The following RNF103 variants were observed in gnomAD, a reference collection of about 807,000 sequenced individuals.
RNF103 encodes the protein E3 ubiquitin-protein ligase RNF103.
Under a neutral mutation model 66.2 loss-of-function variants are expected in RNF103, and 23 were observed. That is an observed-to-expected ratio of 0.35 (90% CI 0.25 to 0.49). RNF103 has a LOEUF of 0.49. Among genes scored for constraint, RNF103 ranks in the 20% least tolerant of loss-of-function variants. The pLI is 0.98. For missense variants in RNF103, 730 were observed against 814.7 expected (o/e 0.90, Z 1.27); for synonymous variants, 297 against 289.9 (o/e 1.02, Z -0.25).
intron 2 of RNF103, 30 bp downstream of exon 2, chr2:86,620,300 G>A (rs772354700): frequency 1.7e-5 from 26 of 1,559,936 alleles, no homozygotes; most frequent in East Asian, 9.0e-5. Flanking sequence ...TAGGGCTCTC[G>A]AATTATCAAA....
Position 86,622,915 on chromosome 2 carries a change from G to A in RNF103, c.-29C>T. On this transcript the variant is annotated 5_prime_UTR_variant, in exon 1 of 4. Transcript: ENST00000237455. The stretch of plus-strand genomic sequence containing the variant: ...CCCTGGAGTTTCCTCTCTTTCCAGA[G>A]AGCTCGGAATACGGGAGAGAGAAGG... The A allele has an allele frequency of 1.3e-6, 2 of 1,562,266 alleles. No individual in the cohort carries two copies. Among genetic ancestry groups the A allele is most frequent in the Non-Finnish European group, 1.7e-6 (2 of 1,153,224 alleles).
intron 2 of RNF103, chr2:86,616,824 T>C (rs1197191900): frequency 1.0e-6 from 1 of 985,286 alleles, no homozygotes; most frequent in Non-Finnish European, 1.2e-6. Flanking sequence ...GAAACAGAAA[T>C]GTTAGGAGGA....
chr2:86,615,655 G>A (rs936865222), intron 2 of RNF103, among the ~76,000 whole-genome samples: 7 of 151,904 alleles, frequency 4.6e-5, no homozygotes, highest in African/African-American at 1.5e-4. Flanking sequence ...CTCATTAAAA[G>A]GGGAGACATT....
At position 86,604,402 on chromosome 2, in the gene RNF103, A is replaced by C; in HGVS notation, c.1499T>G (p.Leu500Arg). ...LERLAFPDLWLHPLIPTDYIK... is the reference protein window; with the variant it reads ...LERLAFPDLWRHPLIPTDYIK... ...ATAATCAGTTGGTATCAGAGGGTGA[A>C]GCCAAAGGTCAGGGAAAGCTAAGCG... Residue 500 changes from leucine (L) to arginine (R), a missense_variant, in exon 4 of 4, where the codon CTT becomes CGT. Leu to Arg is a moderately radical substitution (Grantham distance 102). This residue lies in a region of RNF103 where 355 missense variants were observed against 351.9 expected (regional missense o/e 1.01). Coordinates refer to ENST00000237455, the MANE Select transcript of RNF103 (RefSeq NM_005667.4). 6.2e-7 allele frequency: 1 copy of C among 1,614,252 alleles called. No homozygotes were observed. The highest frequency in any genetic ancestry group is 8.5e-7 in the Non-Finnish European group (1 of 1,180,042).
In RNF103 at chr2:86,603,931, T is replaced by C; in HGVS notation, c.1970A>G (p.His657Arg). The C allele has an allele frequency of 6.2e-7, 1 of 1,614,158 alleles. No individual in the cohort carries two copies. Among genetic ancestry groups the C allele is most frequent in the Non-Finnish European group, 8.5e-7 (1 of 1,180,036 alleles). Residue 657 changes from histidine (H) to arginine (R), a missense_variant, in exon 4 of 4, where the codon CAT (histidine) becomes CGT (arginine). By Grantham distance (29) the His-to-Arg change is conservative. Around this residue, in one of 3 missense-constraint regions of RNF103, gnomAD observed 355 missense variants for 351.9 expected, o/e 1.01. Transcript: ENST00000237455. The stretch of plus-strand genomic sequence containing the variant: ...AGGCCACCGGCAAACAGGGCAACAA[T>C]GTCGGCCCCCAGCCAACCACATCAC... ...CIVMWLAGGR[H>R]CCPVCRWPSY...
chr2:86,606,910 C>G (rs1460021152), intron 3 of RNF103, among the ~76,000 whole-genome samples: 1 of 151,938 alleles, frequency 6.6e-6, no homozygotes, highest in African/African-American at 2.4e-5. Context: ...CCTTGAGTAG[C>G]TAGGACCACA....
At position 86,604,094 on chromosome 2, in the gene RNF103, C is replaced by G; in HGVS notation, c.1807G>C (p.Asp603His). Residue 603 changes from aspartate to histidine, a missense_variant, in exon 4 of 4, where the codon GAT becomes CAT. Physicochemically the swap from Asp to His is moderately conservative, Grantham distance 81. Coordinates refer to ENST00000237455, the MANE Select transcript of RNF103 (RefSeq NM_005667.4). ...RSYGSYNTNE[D>H]MEPDWLTWPA... ...CAAGTTAACCAATCAGGTTCCATAT[C>G]TTCATTAGTGTTATATGATCCATAT... 6.2e-7 allele frequency: 1 copy of G among 1,613,684 alleles called. No individual in the cohort carries two copies. The highest frequency in any genetic ancestry group is 1.1e-5 in the South Asian group (1 of 91,082).
rs1274131594 is a variant in RNF103 at position 86,623,614 on chromosome 2, C to G, written c.-728G>C. 2 of 1,046,156 alleles carry G rather than the reference C, an allele frequency of 1.9e-6. No homozygotes were observed. Among genetic ancestry groups the G allele is most frequent in the South Asian group, 2.5e-5 (1 of 40,500 alleles). 64.8% of individuals were successfully genotyped at this position (1,046,156 alleles called of 1,614,324 possible). A position where few individuals can be genotyped will look rare whatever the true frequency, so the allele number is the denominator to read the frequency against. On this transcript the variant is annotated 5_prime_UTR_variant, in exon 1 of 4. Coordinates refer to ENST00000237455, the MANE Select transcript of RNF103 (RefSeq NM_005667.4). ...TCTCAGGCGGGCGGGCACTGCGGCCCGGCCCAGGATGGGGCGTCGCGGTCT... is the reference window on the plus strand; with the variant it reads ...TCTCAGGCGGGCGGGCACTGCGGCCGGGCCCAGGATGGGGCGTCGCGGTCT...
At chr2:86,615,041 T>G in intron 2 of RNF103, 1 of 985,346 alleles carries the variant, frequency 1.0e-6, no homozygotes, top group East Asian at 1.1e-4. Flanking sequence ...CTTTGAGACA[T>G]GTGATAAGAG....
intron 2 of RNF103, chr2:86,612,568 C>A (rs1174220197): frequency 4.7e-6 from 1 of 210,868 alleles, no homozygotes; most frequent in Non-Finnish European, 9.3e-6. Context: ...CACCATGTGG[C>A]CTCTTCTCTC....
At chr2:86,611,621 C>T (rs780311105) in intron 3 of RNF103, among the ~76,000 whole-genome samples, 27 of 151,490 alleles carry the variant, frequency 1.8e-4, no homozygotes, top group South Asian at 6.2e-4. Flanking sequence ...GGGGGAAAAC[C>T]GGCGAAGGAC....
rs1428440906 is a variant in RNF103 at position 86,623,445 on chromosome 2, T to G, written c.-559A>C. The G allele has an allele frequency of 1.0e-6, 1 of 980,556 alleles. No individual in the cohort carries two copies. The highest frequency in any genetic ancestry group is 1.8e-5 in the African/African-American group (1 of 56,428). The allele number at this position is 980,556 out of a possible 1,614,324, so 60.7% of individuals were successfully genotyped here. ...GCCGGGCCAGGCCCGGGGCCCAGCG[T>G]GTTCTGCGCGGGGAGGAGCGGCCGC... On this transcript the variant is annotated 5_prime_UTR_variant, in exon 1 of 4. Transcript: ENST00000237455.
rs765651613 is a variant in RNF103, at chr2:86,603,876, T to G, written c.2025A>C (p.Gln675His). 1 of 1,614,024 alleles carries G rather than the reference T, an allele frequency of 6.2e-7. No homozygotes were observed. The highest frequency in any genetic ancestry group is 8.5e-7 in the Non-Finnish European group (1 of 1,179,958). The stretch of plus-strand genomic sequence containing the variant: ...GGACATCATTTGACAAGGGCTGGTG[T>G]TGTGCATATGGCTGCTTTTTTTTAT... ...PSYKKKQPYA[Q>H]HQPLSNDVPS Residue 675 changes from glutamine (Q) to histidine (H), a missense_variant, in exon 4 of 4, where the codon CAA (glutamine) becomes CAC (histidine). Transcript: ENST00000237455.
At chr2:86,614,532 A>C (rs978635192) in intron 2 of RNF103, 2 of 154,828 alleles carry the variant, frequency 1.3e-5, no homozygotes, top group African/African-American at 4.8e-5. Context: ...GAACCTGGGA[A>C]GCAGAGGTTG....
intron 2 of RNF103, chr2:86,613,836 C>A (rs1678901707): frequency 6.6e-6 from 1 of 152,206 alleles, no homozygotes; most frequent in South Asian, 2.1e-4. Context: ...CTCATACTTA[C>A]CGAGACACAC....
intron 2 of RNF103, chr2:86,614,643 G>T: frequency 1.9e-6 from 1 of 523,388 alleles, no homozygotes; most frequent in Non-Finnish European, 2.4e-6. Context: ...AGAAAATTAG[G>T]AAGATCAAGC....
Position 86,603,964 on chromosome 2 carries a change from T to A in RNF103, c.1937A>T (p.Asn646Ile). 1 of 1,614,034 alleles carries A rather than the reference T, an allele frequency of 6.2e-7. No homozygotes were observed. ...CCCAGCCAACCACATCACAATGCAA[T>A]TCTGATGAAACACATGACCACAAGG... ...GLPCGHVFHQ[N>I]CIVMWLAGGR... The change falls in exon 4 of 4, where the codon AAT (asparagine) becomes ATT (isoleucine). Residue 646 changes from asparagine to isoleucine, a missense_variant. Transcript: ENST00000237455.
intron 2 of RNF103, among the ~76,000 whole-genome samples, chr2:86,619,244 GTCTCTGAACTC>G: frequency 6.6e-6 from 1 of 152,186 alleles, no homozygotes; most frequent in East Asian, 1.9e-4. Flanking sequence ...TGCAACTAAT[GTCTCTGAACTC>G]ATAGCTTTTC....
chr2:86,608,825 A>G (rs1209388219), intron 3 of RNF103, among the ~76,000 whole-genome samples: 1 of 152,198 alleles, frequency 6.6e-6, no homozygotes, highest in Non-Finnish European at 1.5e-5. Flanking sequence ...CTCACAGGAA[A>G]AGCCCTCTGA....
Sources: allele counts gnomAD v4.1 joint callset (sites outside exome capture counted in the v4.1 genomes callset), GRCh38; gene constraint gnomAD v4.1.1; regional missense constraint gnomAD v4.1.1; transcripts MANE v1.5; gene names NCBI Gene and HGNC (gene_info 2026-07-23, HGNC 2026-07-21).